SLC8A1: variants seen among roughly 807,000 people sequenced by gnomAD.
SLC8A1 encodes the protein solute carrier family 8 member A1, also known as sodium/calcium exchanger 1.
A neutral mutation model predicts 68.3 loss-of-function variants in SLC8A1; 18 were observed. The observed-to-expected ratio is 0.26, with a 90% CI of 0.18 to 0.39. SLC8A1 has a LOEUF of 0.39. Ranked by LOEUF, SLC8A1 falls within the 10% of genes least tolerant of loss-of-function variation. The pLI is 1.00. For missense variants in SLC8A1, 985 were observed against 1,156.7 expected (o/e 0.85, Z 2.15); for synonymous variants, 475 against 415.5 (o/e 1.14, Z -1.74).
intron 2 of SLC8A1, among the ~76,000 whole-genome samples, chr2:40,183,258 A>G (rs2049984130): frequency 6.6e-6 from 1 of 152,206 alleles, no homozygotes. Flanking sequence ...TAGGTCCCTT[A>G]TTCATTCAAC....
At chr2:40,252,253 T>C (rs1171667700) in intron 2 of SLC8A1, among the ~76,000 whole-genome samples, 2 of 152,188 alleles carry the variant, frequency 1.3e-5, no homozygotes, top group East Asian at 3.8e-4. Context: ...GATAAGCCAG[T>C]GAAGTCTGAC....
intron 2 of SLC8A1, among the ~76,000 whole-genome samples, chr2:40,389,185 G>A (rs371720560): frequency 2.0e-5 from 3 of 152,002 alleles, no homozygotes; most frequent in East Asian, 1.9e-4. Flanking sequence ...ATTTATAGGC[G>A]TATTTAACAG....
At chr2:40,455,296 T>TTTAAAATACA (rs1352065297), upstream of SLC8A1, among the ~76,000 whole-genome samples, 1 of 152,192 alleles carries the variant, frequency 6.6e-6, no homozygotes, top group Non-Finnish European at 1.5e-5. Context: ...ATTTAATACT[T>TTTAAAATACA]TACTAAAGCA....
intron 2 of SLC8A1, among the ~76,000 whole-genome samples, chr2:40,215,225 G>C (rs1329924184): frequency 1.3e-5 from 2 of 152,146 alleles, no homozygotes; most frequent in African/African-American, 4.8e-5. Flanking sequence ...GGGTGAAGTG[G>C]TGTGTTCATG....
intron 7 of SLC8A1, 125 bp downstream of exon 10, chr2:40,139,276 C>G: frequency 9.4e-7 from 1 of 1,061,036 alleles, no homozygotes. Context: ...ATTTATACCT[C>G]AGGGCTCTCG....
chr2:40,376,235 A>G (rs1219861373), intron 2 of SLC8A1, among the ~76,000 whole-genome samples: 2 of 152,124 alleles, frequency 1.3e-5, no homozygotes, highest in African/African-American at 2.4e-5. Context: ...GCATCTAACA[A>G]TGTACAATTT....
intron 2 of SLC8A1, among the ~76,000 whole-genome samples, chr2:40,293,757 G>A (rs981315715): frequency 1.3e-5 from 2 of 152,102 alleles, no homozygotes; most frequent in African/African-American, 4.8e-5. Flanking sequence ...CTATTCTACT[G>A]CTATCAGTGC....
intron 2 of SLC8A1, among the ~76,000 whole-genome samples, chr2:40,381,120 T>C (rs1294335496): frequency 1.3e-5 from 2 of 152,070 alleles, no homozygotes; most frequent in Admixed American, 6.6e-5. Context: ...TTCTAGATTG[T>C]ATATCCACAA....
At chr2:40,241,352 TA>T (rs1474153024) in intron 2 of SLC8A1, among the ~76,000 whole-genome samples, 1 of 151,952 alleles carries the variant, frequency 6.6e-6, no homozygotes, top group Non-Finnish European at 1.5e-5. Flanking sequence ...CTACCTGGAA[TA>T]GGGGGCATGG....
At chr2:40,180,668 C>T (rs2049343999) in intron 2 of SLC8A1, among the ~76,000 whole-genome samples, 1 of 152,196 alleles carries the variant, frequency 6.6e-6, no homozygotes, top group Non-Finnish European at 1.5e-5. Flanking sequence ...GTGAGAGTCA[C>T]GTTGCAATAT....
chr2:40,386,609 A>G (rs1000400208), intron 2 of SLC8A1, among the ~76,000 whole-genome samples: 1 of 128,202 alleles, frequency 7.8e-6, no homozygotes, highest in Non-Finnish European at 1.6e-5. Context: ...TTACTTGATG[A>G]AATTTAAAAA....
chr2:40,502,876 G>A (rs777347433), intron 1 of SLC8A1, among the ~76,000 whole-genome samples: 10 of 151,906 alleles, frequency 6.6e-5, no homozygotes, highest in Non-Finnish European at 1.3e-4. Context: ...GCAATATACA[G>A]GATTCTCATC....
chr2:40,319,885 G>A (rs778510150), intron 2 of SLC8A1, among the ~76,000 whole-genome samples: 2 of 152,106 alleles, frequency 1.3e-5, no homozygotes, highest in Admixed American at 6.6e-5. Flanking sequence ...TGTGGAGAGA[G>A]CTTACCAATG....
intron 2 of SLC8A1, among the ~76,000 whole-genome samples, chr2:40,190,351 A>T (rs1447565258): frequency 6.6e-6 from 1 of 152,178 alleles, no homozygotes; most frequent in African/African-American, 2.4e-5. Flanking sequence ...GACTCAGTGA[A>T]ATTAACCAAT....
intron 2 of SLC8A1, among the ~76,000 whole-genome samples, chr2:40,359,861 T>C (rs1054473791): frequency 4.6e-5 from 7 of 151,918 alleles, no homozygotes; most frequent in Non-Finnish European, 2.9e-5. Flanking sequence ...CAGGTAGGCT[T>C]CATTAAAAAT....
intron 1 of SLC8A1, among the ~76,000 whole-genome samples, chr2:40,506,879 C>T (rs1346538860): frequency 6.6e-6 from 1 of 152,072 alleles, no homozygotes; most frequent in South Asian, 2.1e-4. Context: ...TTCCTCCGCA[C>T]ATGTCTGGTA....
At chr2:40,481,985 G>T (rs904868893) in intron 1 of SLC8A1, among the ~76,000 whole-genome samples, 1 of 152,116 alleles carries the variant, frequency 6.6e-6, no homozygotes, top group African/African-American at 2.4e-5. Flanking sequence ...CATTTGAGAG[G>T]CTTGATAAAA....
intron 2 of SLC8A1, among the ~76,000 whole-genome samples, chr2:40,308,564 G>A (rs1200723934): frequency 1.3e-5 from 2 of 152,034 alleles, no homozygotes; most frequent in African/African-American, 4.8e-5. Context: ...TTAAGGCTCT[G>A]AGCTACCAAG....
chr2:40,129,722 C>A (rs2038934849), intron 7 of SLC8A1, among the ~76,000 whole-genome samples: 1 of 152,168 alleles, frequency 6.6e-6, no homozygotes, highest in Admixed American at 6.5e-5. Flanking sequence ...ACATGCATAA[C>A]ACCAACCCTC....
Sources: allele counts gnomAD v4.1 joint callset (sites outside exome capture counted in the v4.1 genomes callset), GRCh38; gene constraint gnomAD v4.1.1; transcripts MANE v1.5; gene names NCBI Gene and HGNC (gene_info 2026-07-23, HGNC 2026-07-21).